Variants in KIAA0319L observed in about 807,000 individuals in gnomAD.
KIAA0319L encodes the protein dyslexia-associated protein KIAA0319-like protein.
In KIAA0319L, 55 loss-of-function variants were observed where a neutral mutation model predicts 120.1. That is an observed-to-expected ratio of 0.46 (90% CI 0.37 to 0.57). KIAA0319L has a LOEUF of 0.57. Ranked by LOEUF, KIAA0319L falls within the 20% of genes least tolerant of loss-of-function variation. The pLI is 0.00. For synonymous variants in KIAA0319L, 398 were observed against 471.9 expected (o/e 0.84, Z 2.03); for missense variants, 1,049 against 1,255.3 (o/e 0.84, Z 2.48).
Position 35,506,977 on chromosome 1 carries a change from G to C in KIAA0319L, c.301C>G (p.Leu101Val). ...TCTGCCTGAATGCACATCCCTTCTAGCCACCAAAAGACATGGCAGGCAGAG... is the reference window on the plus strand; with the variant it reads ...TCTGCCTGAATGCACATCCCTTCTACCCACCAAAAGACATGGCAGGCAGAG... The part of the protein sequence containing the change: ...QDSACHVFWW[L>V]EGMCIQADCS... The change falls in exon 3 of 21, where the codon CTA (leucine) becomes GTA (valine). Residue 101 changes from leucine to valine, a missense_variant. Physicochemically the swap from Leu to Val is conservative, Grantham distance 32. Coordinates refer to ENST00000325722, the MANE Select transcript of KIAA0319L (RefSeq NM_024874.5). The surrounding 1 kb of genome is among the most constrained non-coding windows in gnomAD (Gnocchi z 4.0). The C allele has an allele frequency of 6.2e-7, 1 of 1,613,572 alleles. No individual in the cohort carries two copies. Among genetic ancestry groups the C allele is most frequent in the Non-Finnish European group, 8.5e-7 (1 of 1,179,768 alleles).
chr1:35,504,756 G>T (rs577708654), intron 3 of KIAA0319L, among the ~76,000 whole-genome samples: 2 of 152,098 alleles, frequency 1.3e-5, no homozygotes, highest in East Asian at 3.8e-4. Context: ...GCCACTATCT[G>T]ATTATGTCAT....
chr1:35,477,530 G>A (rs1643945622), intron 4 of KIAA0319L, among the ~76,000 whole-genome samples: 1 of 152,074 alleles, frequency 6.6e-6, no homozygotes, highest in Admixed American at 6.6e-5. Flanking sequence ...AGCTGGGCGT[G>A]GTGGTGGGCG....
intron 2 of KIAA0319L, among the ~76,000 whole-genome samples, chr1:35,544,878 A>G (rs1646925476): frequency 6.6e-6 from 1 of 152,214 alleles, no homozygotes; most frequent in African/African-American, 2.4e-5. Flanking sequence ...CAAGGTTGCA[A>G]TCCTGAGAAG....
At chr1:35,455,944 T>G in intron 10 of KIAA0319L, 69 bp downstream of exon 10, 1 of 1,175,826 alleles carries the variant, frequency 8.5e-7, no homozygotes. Flanking sequence ...TGTTTGGAGG[T>G]TTCTAAAAAT....
chr1:35,554,757 C>CTTT, intron 1 of KIAA0319L: 1 of 222,160 alleles, frequency 4.5e-6, no homozygotes, highest in Non-Finnish European at 8.6e-6. Context: ...CTTTATATTC[C>CTTT]TTTTTTTTTT....
intron 2 of KIAA0319L, among the ~76,000 whole-genome samples, chr1:35,518,897 G>A (rs1332287593): frequency 2.0e-5 from 3 of 151,150 alleles, no homozygotes; most frequent in Admixed American, 6.6e-5. Context: ...CCAGCTACTC[G>A]GGAGGCTGAG....
chr1:35,467,376 T>G (rs1643338509), intron 6 of KIAA0319L, among the ~76,000 whole-genome samples: 1 of 151,602 alleles, frequency 6.6e-6, no homozygotes, highest in Admixed American at 6.6e-5. Flanking sequence ...AACAAAAAAG[T>G]ACCCAGCATA....
intron 2 of KIAA0319L, among the ~76,000 whole-genome samples, chr1:35,518,870 G>A (rs1322901455): frequency 6.6e-6 from 1 of 151,806 alleles, no homozygotes; most frequent in Non-Finnish European, 1.5e-5. Flanking sequence ...CGGGCATGGT[G>A]GTGGGCACCT....
intron 2 of KIAA0319L, among the ~76,000 whole-genome samples, chr1:35,546,359 G>C (rs1646983691): frequency 6.6e-6 from 1 of 152,216 alleles, no homozygotes; most frequent in Non-Finnish European, 1.5e-5. Context: ...AAATGCAGTA[G>C]AGATGTTAAG....
chr1:35,486,401 A>C (rs1004772931), intron 3 of KIAA0319L, among the ~76,000 whole-genome samples: 2 of 150,610 alleles, frequency 1.3e-5, no homozygotes, highest in Non-Finnish European at 2.9e-5. Context: ...AAAAAAAAGA[A>C]TAAGTTTTTC....
intron 2 of KIAA0319L, among the ~76,000 whole-genome samples, chr1:35,529,915 C>T (rs1016101061): frequency 8.1e-5 from 12 of 149,014 alleles, no homozygotes; most frequent in African/African-American, 3.0e-4. Flanking sequence ...TTAAACTTCT[C>T]TTCACCTTCT....
intron 3 of KIAA0319L, among the ~76,000 whole-genome samples, chr1:35,485,273 G>A (rs1644344871): frequency 6.6e-6 from 1 of 151,998 alleles, no homozygotes; most frequent in South Asian, 2.1e-4. Flanking sequence ...CCCATAGTAT[G>A]TTGTGACTGA....
At chr1:35,484,606 A>G (rs188083739) in intron 3 of KIAA0319L, among the ~76,000 whole-genome samples, 1 of 151,768 alleles carries the variant, frequency 6.6e-6, no homozygotes, top group East Asian at 1.9e-4. Context: ...TTGCTTCTTC[A>G]TTTCCAATCT....
At chr1:35,551,943 C>G (rs1647232260) in intron 2 of KIAA0319L, among the ~76,000 whole-genome samples, 3 of 152,062 alleles carry the variant, frequency 2.0e-5, no homozygotes, top group African/African-American at 7.3e-5. Context: ...TGTGTTTAAC[C>G]AAGTGCTAGA....
chr1:35,542,160 C>G (rs1475890590), intron 2 of KIAA0319L, among the ~76,000 whole-genome samples: 2 of 152,212 alleles, frequency 1.3e-5, no homozygotes, highest in African/African-American at 4.8e-5. Flanking sequence ...TAAACTTTTA[C>G]GTTATTGCTA....
chr1:35,464,748 A>G (rs1038311350), intron 7 of KIAA0319L, among the ~76,000 whole-genome samples: 2 of 152,318 alleles, frequency 1.3e-5, no homozygotes, highest in South Asian at 4.1e-4. Context: ...CTGGAGGCCT[A>G]GGAGGGAAAA....
chr1:35,486,297 T>C (rs1644381965), intron 3 of KIAA0319L, among the ~76,000 whole-genome samples: 1 of 143,812 alleles, frequency 7.0e-6, no homozygotes, highest in Non-Finnish European at 1.5e-5. Flanking sequence ...GGTGGGAGGA[T>C]GGCTCATGCC....
chr1:35,557,325 G>A lies in KIAA0319L; in HGVS notation c.-147C>T. On this transcript the variant is annotated 5_prime_UTR_variant, in exon 1 of 21. Transcript: ENST00000325722. The stretch of plus-strand genomic sequence containing the variant: ...TCACCCGGAGGAGGAGGAGGAAGAG[G>A]AAGAAGGTAGTGCGGGCTCCCCACC... The A allele has an allele frequency of 3.9e-6, 1 of 256,250 alleles. No homozygotes were observed. The highest frequency in any genetic ancestry group is 3.3e-5 in the South Asian group (1 of 30,672). 15.9% of individuals were successfully genotyped at this position (256,250 alleles called of 1,614,324 possible).
At chr1:35,447,541 G>C (rs1641714791) in intron 16 of KIAA0319L, among the ~76,000 whole-genome samples, 1 of 150,740 alleles carries the variant, frequency 6.6e-6, no homozygotes. Flanking sequence ...CCCATGCCTG[G>C]TCAATATAAG....
Sources: gnomAD v4.1 joint callset for allele counts (sites outside exome capture counted in the v4.1 genomes callset) on GRCh38, gnomAD v4.1.1 for gene constraint, Gnocchi (gnomAD v3.1) non-coding constraint, MANE v1.5 for transcripts, NCBI Gene and HGNC (gene_info 2026-07-23, HGNC 2026-07-21) for gene names.